The following NELL1 variants were observed in gnomAD, a reference collection of about 807,000 sequenced individuals.
NELL1 encodes the protein neural EGFL like 1, also known as protein kinase C-binding protein NELL1.
Under a neutral mutation model 107.4 loss-of-function variants are expected in NELL1, and 76 were observed. That is an observed-to-expected ratio of 0.71 (90% confidence interval 0.59 to 0.86). The LOEUF (loss-of-function observed/expected upper bound fraction) is 0.86. Among genes scored for constraint, NELL1 ranks in the 40% least tolerant of loss-of-function variants. The probability of loss-of-function intolerance (pLI) is 0.00; values close to 1 mark genes in which losing one functional copy is unlikely to be tolerated. For missense variants in NELL1, 1,024 were observed against 1,005.5 expected (o/e 1.02, Z -0.25); for synonymous variants, 353 against 341.2 (o/e 1.03, Z -0.38).
chr11:21,145,039 G>A (rs1855947282), intron 13 of NELL1, among the ~76,000 whole-genome samples: 1 of 152,198 alleles, frequency 6.6e-6, no homozygotes, highest in African/African-American at 2.4e-5. Flanking sequence ...TAGGGTTGTT[G>A]TGATGATTAA....
At chr11:21,159,937 C>A (rs1030503469) in intron 13 of NELL1, among the ~76,000 whole-genome samples, 1 of 152,184 alleles carries the variant, frequency 6.6e-6, no homozygotes, top group Non-Finnish European at 1.5e-5. Context: ...CTCTCAGGAC[C>A]AGATGTGTCC....
intron 3 of NELL1, among the ~76,000 whole-genome samples, chr11:20,841,138 C>T (rs1045503499): frequency 2.0e-5 from 3 of 152,122 alleles, no homozygotes; most frequent in Admixed American, 6.5e-5. Flanking sequence ...TGTTAATCTG[C>T]GTGAGGAAAG....
chr11:21,118,056 A>C (rs1367084839), intron 13 of NELL1, among the ~76,000 whole-genome samples: 1 of 152,086 alleles, frequency 6.6e-6, no homozygotes, highest in East Asian at 1.9e-4. Flanking sequence ...GTTGATTAGG[A>C]TAACCTTTTT....
chr11:21,199,616 T>C (rs1857223369), intron 13 of NELL1, among the ~76,000 whole-genome samples: 1 of 152,122 alleles, frequency 6.6e-6, no homozygotes, highest in Non-Finnish European at 1.5e-5. Flanking sequence ...CTGTGATATA[T>C]TGGTTACTGT....
chr11:20,776,788 G>A (rs1439884094), intron 2 of NELL1, among the ~76,000 whole-genome samples: 2 of 152,040 alleles, frequency 1.3e-5, no homozygotes, highest in East Asian at 1.9e-4. Context: ...AAAGGGAGGA[G>A]GATGAAAAAT....
intron 15 of NELL1, among the ~76,000 whole-genome samples, chr11:21,393,798 T>G (rs1851928621): frequency 6.6e-6 from 1 of 151,694 alleles, no homozygotes. Flanking sequence ...ATGAAATAGT[T>G]GACTTCCACT....
intron 5 of NELL1, among the ~76,000 whole-genome samples, chr11:20,891,579 G>A (rs1194445407): frequency 1.3e-5 from 2 of 152,052 alleles, no homozygotes; most frequent in East Asian, 1.9e-4. Flanking sequence ...AATTGGATAA[G>A]GAGTCAAGAC....
At position 21,473,472 on chromosome 11, in the gene NELL1, G is replaced by A. The variant is rs1854234603; in HGVS notation, c.1646-60902G>A. Among the ~76,000 whole-genome samples the A allele has an allele frequency of 2.6e-5, 4 of 151,966 alleles. No individual in the cohort carries two copies. In the South Asian group the frequency reaches 8.3e-4, roughly 31 times the overall value. ...TTCTTATATTATTTCATTCATTTAA[G>A]ATTACCTGTTCATATTTTAACGAGG... On this transcript the variant is annotated intron_variant, in intron 15 of 19. Transcript: ENST00000357134.
chr11:21,049,718 C>G (rs1346897677), intron 12 of NELL1, among the ~76,000 whole-genome samples: 2 of 151,870 alleles, frequency 1.3e-5, no homozygotes, highest in Non-Finnish European at 2.9e-5. Flanking sequence ...CTCTCTGTCA[C>G]CCAGGCTGGA....
intron 3 of NELL1, among the ~76,000 whole-genome samples, chr11:20,831,393 A>G (rs766388043): frequency 7.9e-5 from 12 of 152,200 alleles, no homozygotes; most frequent in South Asian, 2.1e-4. Context: ...AGTGTTTACA[A>G]TGGCTCTGCC....
intron 15 of NELL1, among the ~76,000 whole-genome samples, chr11:21,395,765 G>C (rs1269055248): frequency 1.3e-5 from 2 of 151,144 alleles, no homozygotes; most frequent in Non-Finnish European, 3.0e-5. Context: ...TTTGACATCA[G>C]TGGAAATTAC....
At chr11:21,020,648 C>T (rs1483479810) in intron 12 of NELL1, among the ~76,000 whole-genome samples, 1 of 152,010 alleles carries the variant, frequency 6.6e-6, no homozygotes, top group Non-Finnish European at 1.5e-5. Context: ...CTCTGTCTCC[C>T]CAACTGGTAT....
intron 3 of NELL1, among the ~76,000 whole-genome samples, chr11:20,843,283 C>T (rs2134052117): frequency 6.6e-6 from 1 of 152,196 alleles, no homozygotes; most frequent in South Asian, 2.1e-4. Context: ...ATGGTTTGTT[C>T]AGGGCCACAG....
chr11:21,172,749 A>C (rs7948285), intron 13 of NELL1, among the ~76,000 whole-genome samples: 69,636 of 151,546 alleles, frequency 0.46, 16,574 homozygotes, highest in African/African-American at 0.5. Context: ...ATTTTCAGGA[A>C]TGAGACATTT....
chr11:21,200,774 G>C lies in NELL1; in HGVS notation c.1427-28558G>C, dbSNP rs562365727. On this transcript the variant is annotated intron_variant, in intron 13 of 19. Coordinates refer to ENST00000357134, the MANE Select transcript of NELL1 (RefSeq NM_006157.5). ...GGGTTTTTATGGTTTTAGGTCTTAA[G>C]TTTAAGTCTTTAATCCATCTTGAGT... 1.4e-4 allele frequency among the ~76,000 whole-genome samples: 22 copies of C among 152,236 alleles called. 1 individual carries two copies. The South Asian group carries it at 4.3e-3, about 30-fold the overall frequency.
At position 20,672,086 on chromosome 11, in the gene NELL1, G is replaced by A. The variant is rs1191516775; in HGVS notation, c.55+2308G>A. Among the ~76,000 whole-genome samples the A allele has an allele frequency of 4.6e-5, 7 of 152,184 alleles. No homozygotes were observed. The East Asian group carries it at 7.7e-4, about 17-fold the overall frequency. On this transcript the variant is annotated intron_variant, in intron 1 of 19. Transcript: ENST00000357134. ...GCATATTTCTTCTACACACATTATCGGAAGAATCAGAGAGACGGGGGAATT... is the reference window on the plus strand; with the variant it reads ...GCATATTTCTTCTACACACATTATCAGAAGAATCAGAGAGACGGGGGAATT...
intron 13 of NELL1, among the ~76,000 whole-genome samples, chr11:21,136,579 A>T (rs556209587): frequency 3.9e-5 from 6 of 152,290 alleles, no homozygotes; most frequent in Admixed American, 2.0e-4. Flanking sequence ...TCTGTCCATA[A>T]GGTACTTAAT....
chr11:21,573,525 G>A (rs1342127300), intron 19 of NELL1, 116 bp downstream of exon 19: 2 of 877,592 alleles, frequency 2.3e-6, no homozygotes, highest in African/African-American at 3.4e-5. Flanking sequence ...TGGAAACTCT[G>A]GCATACATTT....
At chr11:21,168,734 A>G (rs928445419) in intron 13 of NELL1, among the ~76,000 whole-genome samples, 2 of 151,830 alleles carry the variant, frequency 1.3e-5, no homozygotes, top group African/African-American at 4.9e-5. Context: ...AAAGCTCATA[A>G]GTTTTTTTTC....
Sources: gnomAD v4.1 joint callset for allele counts (sites outside exome capture counted in the v4.1 genomes callset) on GRCh38, gnomAD v4.1.1 for gene constraint, MANE v1.5 for transcripts, NCBI Gene and HGNC (gene_info 2026-07-23, HGNC 2026-07-21) for gene names.